RBFOX1: variants seen among roughly 807,000 people sequenced by gnomAD.
RBFOX1 encodes RNA binding fox-1 homolog 1, also known as RNA binding protein fox-1 homolog 1.
A neutral mutation model predicts 57.7 loss-of-function variants in RBFOX1; 8 were observed. That is an observed-to-expected ratio of 0.14 (90% confidence interval 0.08 to 0.25). The LOEUF (loss-of-function observed/expected upper bound fraction) is 0.25, where lower values mean the gene tolerates loss of function less well. Among genes scored for constraint, RBFOX1 ranks in the 10% least tolerant of loss-of-function variants. The pLI is 1.00. For synonymous variants in RBFOX1, 326 were observed against 222.4 expected (o/e 1.47, Z -4.15); for missense variants, 611 against 548.5 (o/e 1.11, Z -1.14).
chr16:6,886,963 A>C (rs751800879), intron 3 of RBFOX1, among the ~76,000 whole-genome samples: 7 of 149,144 alleles, frequency 4.7e-5, no homozygotes, highest in Non-Finnish European at 7.4e-5. Flanking sequence ...TTAAAATAAC[A>C]CAAAATGAAA....
intron 4 of RBFOX1, among the ~76,000 whole-genome samples, chr16:7,377,486 C>T (rs2097705807): frequency 6.6e-6 from 1 of 152,084 alleles, no homozygotes; most frequent in Non-Finnish European, 1.5e-5. Context: ...ACACATCAAT[C>T]ATTTGGAAAA....
At chr16:6,952,836 A>G (rs939914068) in intron 3 of RBFOX1, among the ~76,000 whole-genome samples, 2 of 151,830 alleles carry the variant, frequency 1.3e-5, no homozygotes, top group South Asian at 2.1e-4. Flanking sequence ...TTAGCTGGGT[A>G]TGGTGGTGCA....
At chr16:6,827,766 A>T (rs1044899149) in intron 3 of RBFOX1, among the ~76,000 whole-genome samples, 1 of 151,878 alleles carries the variant, frequency 6.6e-6, no homozygotes, top group Non-Finnish European at 1.5e-5. Flanking sequence ...CATCACTCTT[A>T]CCTGGTTAGT....
At chr16:5,642,456 G>T (rs1017514085) in intron 3 of RBFOX1, among the ~76,000 whole-genome samples, 22 of 152,178 alleles carry the variant, frequency 1.4e-4, no homozygotes, top group African/African-American at 5.1e-4. Context: ...TGGACTCTGA[G>T]GATGAAAAGC....
intron 4 of RBFOX1, among the ~76,000 whole-genome samples, chr16:7,148,486 C>T (rs1416697527): frequency 6.6e-6 from 1 of 152,192 alleles, no homozygotes; most frequent in Non-Finnish European, 1.5e-5. Flanking sequence ...GGATCTTTTT[C>T]ACACGCCGGC....
rs535879791 is a variant in RBFOX1 at position 5,705,382 on chromosome 16, C to G, written c.318+106421C>G. ...GCTAAAGCTATCTTCCCACCTCAGC[C>G]TCCTGAGTAGCTGGGACTACAGGCA... is the stretch of plus-strand genomic sequence containing the variant. On this transcript the variant is annotated intron_variant, in intron 3 of 19. Coordinates refer to the RBFOX1 transcript ENST00000641259. Among the ~76,000 whole-genome samples, 4 of 152,288 alleles carry G rather than the reference C, an allele frequency of 2.6e-5. No individual in the cohort carries two copies. The South Asian group carries it at 8.3e-4, about 32-fold the overall frequency.
chr16:7,237,388 A>G (rs377152788), intron 4 of RBFOX1, among the ~76,000 whole-genome samples: 1 of 152,186 alleles, frequency 6.6e-6, no homozygotes, highest in Non-Finnish European at 1.5e-5. Flanking sequence ...AATAATAATT[A>G]ATAATAATTT....
rs554032495 is a variant in RBFOX1, at chr16:5,403,125, C to T, written c.220-64091C>T. On this transcript the variant is annotated intron_variant, in intron 1 of 2. Coordinates refer to the RBFOX1 transcript ENST00000585867. ...CCACCACTTTGGGGGCCCAGGCAGG[C>T]GGATCACCTGAGGTTGGGAGTTCCA... Among the ~76,000 whole-genome samples the T allele has an allele frequency of 1.3e-3, 202 of 152,062 alleles. 1 individual carries two copies. The highest frequency in any genetic ancestry group is 4.7e-3 in the African/African-American group (195 of 41,496).
chr16:5,677,192 A>G (rs542748268), intron 3 of RBFOX1, among the ~76,000 whole-genome samples: 57 of 152,314 alleles, frequency 3.7e-4, no homozygotes, highest in East Asian at 7.7e-4. Flanking sequence ...CTCTTGCTCT[A>G]TCTTTCTAAA....
chr16:6,322,471 C>T (rs988098517), intron 2 of RBFOX1, among the ~76,000 whole-genome samples: 4 of 152,202 alleles, frequency 2.6e-5, no homozygotes, highest in East Asian at 3.9e-4. Context: ...TTTTAGTCTA[C>T]ACTTCTATGT....
Position 6,450,789 on chromosome 16 carries a change from ACATATATATATG to A in RBFOX1, c.-64+133733_-64+133744del, listed in dbSNP as rs1160014831. On this transcript the variant is annotated intron_variant, in intron 2 of 15. Transcript: ENST00000550418. ...TGTGTATATATATATATATATATAT[ACATATATATATG>A]TATATATATATATATACATATATAT... Among the ~76,000 whole-genome samples, 102 of 46,648 alleles carry A rather than the reference ACATATATATATG, an allele frequency of 2.2e-3. 11 individuals carry two copies. The highest frequency in any genetic ancestry group is 7.6e-3 in the South Asian group (13 of 1,700). 30.6% of individuals were successfully genotyped at this position (46,648 alleles called of 152,430 possible).
At chr16:6,903,769 G>C (rs1032655876) in intron 3 of RBFOX1, among the ~76,000 whole-genome samples, 3 of 152,168 alleles carry the variant, frequency 2.0e-5, no homozygotes, top group Non-Finnish European at 1.5e-5. Context: ...AGAGGGCTGA[G>C]GGCCTTTCGG....
At chr16:6,723,706 C>T (rs2066504934) in intron 3 of RBFOX1, 3 of 151,982 alleles carry the variant, frequency 2.0e-5, no homozygotes, top group African/African-American at 7.3e-5. Context: ...GAATGAGTTA[C>T]AGAAAGCTGC....
intron 4 of RBFOX1, among the ~76,000 whole-genome samples, chr16:5,876,271 G>T (rs2057607938): frequency 6.7e-6 from 1 of 149,556 alleles, no homozygotes; most frequent in Admixed American, 6.6e-5. Context: ...CATTCCGCCT[G>T]CCTTATCTTA....
intron 11 of RBFOX1, among the ~76,000 whole-genome samples, chr16:7,636,045 C>T (rs1222782786): frequency 2.6e-5 from 4 of 152,214 alleles, no homozygotes; most frequent in East Asian, 3.9e-4. Context: ...CTCCTGACCT[C>T]GTGATCCACC....
intron 4 of RBFOX1, among the ~76,000 whole-genome samples, chr16:7,396,776 C>T (rs1306780428): frequency 6.6e-6 from 1 of 152,076 alleles, no homozygotes; most frequent in Non-Finnish European, 1.5e-5. Context: ...TGCATCTCTA[C>T]TAAAAATACA....
intron 4 of RBFOX1, among the ~76,000 whole-genome samples, chr16:7,517,738 A>G (rs1477264701): frequency 1.3e-5 from 2 of 152,022 alleles, no homozygotes; most frequent in Non-Finnish European, 2.9e-5. Context: ...TTGGCACTTT[A>G]AGTATCAAAT....
chr16:6,003,176 A>G (rs1429727373), intron 4 of RBFOX1, among the ~76,000 whole-genome samples: 1 of 151,874 alleles, frequency 6.6e-6, no homozygotes, highest in African/African-American at 2.4e-5. Context: ...GTACTCCGGA[A>G]GCTGACGCAG....
chr16:5,754,501 C>G (rs1029077316), intron 3 of RBFOX1, among the ~76,000 whole-genome samples: 2 of 142,434 alleles, frequency 1.4e-5, no homozygotes, highest in African/African-American at 5.3e-5. Context: ...TAAGGGGACC[C>G]GGGGAACCAG....
Sources: gnomAD v4.1 joint callset for allele counts (sites outside exome capture counted in the v4.1 genomes callset) on GRCh38, gnomAD v4.1.1 for gene constraint, MANE v1.5 for transcripts, NCBI Gene and HGNC (gene_info 2026-07-23, HGNC 2026-07-21) for gene names.